The following RFTN1 variants were observed in gnomAD, a reference collection of about 807,000 sequenced individuals.
RFTN1 encodes raftlin.
In RFTN1, 26 loss-of-function variants were observed where a neutral mutation model predicts 46.5. The ratio of observed to expected loss-of-function variants is 0.56; its 90% CI spans 0.41 to 0.78. RFTN1 has a LOEUF of 0.78. RFTN1 is among the 30% of genes least tolerant of loss of function. RFTN1 has a pLI of 0.00. For missense variants in RFTN1, 693 were observed against 718.7 expected (o/e 0.96, Z 0.41); for synonymous variants, 261 against 284.2 (o/e 0.92, Z 0.82).
chr3:16,485,634 G>C (rs943815430), intron 2 of RFTN1, among the ~76,000 whole-genome samples: 2 of 152,262 alleles, frequency 1.3e-5, no homozygotes, highest in African/African-American at 4.8e-5. Context: ...GGCTGGGTCA[G>C]GGCAGGCACC....
intron 6 of RFTN1, among the ~76,000 whole-genome samples, chr3:16,360,891 C>T (rs1347377026): frequency 6.6e-6 from 1 of 152,180 alleles, no homozygotes; most frequent in African/African-American, 2.4e-5. Context: ...AAAACTGCCA[C>T]ATGAGCTCAA....
intron 6 of RFTN1, among the ~76,000 whole-genome samples, chr3:16,363,418 C>A (rs560254498): frequency 6.6e-6 from 1 of 152,226 alleles, no homozygotes. Flanking sequence ...TATTTTCCCT[C>A]GTACTGTATA....
At position 16,504,129 on chromosome 3, in the gene RFTN1, A is replaced by C. The variant is rs527980583; in HGVS notation, c.-9+9313T>G. Among the ~76,000 whole-genome samples, 2 of 66,726 alleles carry C rather than the reference A, an allele frequency of 3.0e-5. No individual in the cohort carries two copies. The highest frequency in any genetic ancestry group is 7.9e-4 in the East Asian group (2 of 2,524). 43.8% of individuals were successfully genotyped at this position (66,726 alleles called of 152,430 possible). On this transcript the variant is annotated intron_variant, in intron 1 of 9. Coordinates refer to ENST00000334133, the MANE Select transcript of RFTN1 (RefSeq NM_015150.2). This position sits in a 1 kb window ranked among gnomAD's most constrained non-coding sequence, Gnocchi z 4.4. ...ATTTTTTAATGGCATGCCCTAGACT[A>C]AAAAAAAAATACCCAATAGTTCGTT... is the stretch of plus-strand genomic sequence containing the variant.
In RFTN1 at chr3:16,320,975, A is replaced by G. The variant is rs2068982336; in HGVS notation, c.1332+2401T>C. Among the ~76,000 whole-genome samples the G allele has an allele frequency of 6.6e-6, 1 of 152,166 alleles. No individual in the cohort carries two copies. Among genetic ancestry groups the G allele is most frequent in the African/African-American group, 2.4e-5 (1 of 41,426 alleles). Reference sequence around the variant, plus strand: ...TTTGAAGGGGATATCTATTATTAGGAGATTAGAATAGCTGAGGCGAGTGAT... The same window carrying G: ...TTTGAAGGGGATATCTATTATTAGGGGATTAGAATAGCTGAGGCGAGTGAT... On this transcript the variant is annotated intron_variant, in intron 9 of 9. Transcript: ENST00000334133. This position sits in a 1 kb window ranked among gnomAD's most constrained non-coding sequence, Gnocchi z 4.5.
intron 7 of RFTN1, chr3:16,349,238 A>G (rs1474512949): frequency 6.6e-6 from 1 of 152,280 alleles, no homozygotes. Flanking sequence ...GGCTCAGAGG[A>G]AAGTTCAATA....
In RFTN1 at chr3:16,496,330, A is replaced by G. The variant is rs1393337606; in HGVS notation, c.-8-2453T>C. ...TGTGTTGGCTCCTGCACACTAATGCATTCATGCAACAAAGGACTCACATCC... is the reference window on the plus strand; with the variant it reads ...TGTGTTGGCTCCTGCACACTAATGCGTTCATGCAACAAAGGACTCACATCC... On this transcript the variant is annotated intron_variant, in intron 1 of 9. Coordinates refer to ENST00000334133, the MANE Select transcript of RFTN1 (RefSeq NM_015150.2). Among the ~76,000 whole-genome samples the G allele has an allele frequency of 3.3e-5, 5 of 152,262 alleles. No individual in the cohort carries two copies. The East Asian group carries it at 9.6e-4, about 29-fold the overall frequency.
chr3:16,323,285 G>A (rs2069289469), intron 9 of RFTN1, 91 bp downstream of exon 9: 4 of 927,192 alleles, frequency 4.3e-6, no homozygotes, highest in Non-Finnish European at 6.7e-6. Context: ...CTTGGAAGCT[G>A]GAGCAGGCTG....
chr3:16,340,382 C>T (rs1436751281), intron 7 of RFTN1, among the ~76,000 whole-genome samples: 1 of 152,218 alleles, frequency 6.6e-6, no homozygotes, highest in Non-Finnish European at 1.5e-5. Context: ...ATACACAAGG[C>T]TCTGTTCTAG....
At chr3:16,464,980 T>G (rs542194905) in intron 2 of RFTN1, among the ~76,000 whole-genome samples, 10 of 152,350 alleles carry the variant, frequency 6.6e-5, no homozygotes, top group Admixed American at 3.3e-4. Flanking sequence ...CCCACTCTTC[T>G]AATTTGCTTC....
Position 16,413,828 on chromosome 3 carries a change from G to A in RFTN1, c.333-4345C>T, listed in dbSNP as rs928778946. Among the ~76,000 whole-genome samples the A allele has an allele frequency of 8.5e-5, 13 of 152,170 alleles. No individual in the cohort carries two copies. The South Asian group carries it at 1.0e-3, about 12-fold the overall frequency. On this transcript the variant is annotated intron_variant, in intron 3 of 9. Transcript: ENST00000334133. The surrounding 1 kb of genome is among the most constrained non-coding windows in gnomAD (Gnocchi z 4.7). Reference sequence around the variant, plus strand: ...ATAGATTTATTAGTTAGAGGCTACCGGTGTTAGAGCTAACTAGAGGCAGGT... The same window carrying A: ...ATAGATTTATTAGTTAGAGGCTACCAGTGTTAGAGCTAACTAGAGGCAGGT...
chr3:16,359,048 A>AAAAAG (rs1238066867), intron 6 of RFTN1, among the ~76,000 whole-genome samples: 1 of 148,426 alleles, frequency 6.7e-6, no homozygotes, highest in African/African-American at 2.5e-5. Flanking sequence ...AAAAAAAAAA[A>AAAAAG]AAAAGAAATA....
At chr3:16,386,559 G>A (rs181254965) in intron 4 of RFTN1, among the ~76,000 whole-genome samples, 22 of 152,318 alleles carry the variant, frequency 1.4e-4, no homozygotes, top group Admixed American at 2.6e-4. Flanking sequence ...GCTGCTCAGC[G>A]CTGTATTTGC....
chr3:16,481,526 G>A lies in RFTN1; in HGVS notation c.145+12199C>T, dbSNP rs2076367497. Among the ~76,000 whole-genome samples the A allele has an allele frequency of 6.6e-6, 1 of 152,074 alleles. No individual in the cohort carries two copies. Among genetic ancestry groups the A allele is most frequent in the Non-Finnish European group, 1.5e-5 (1 of 68,010 alleles). On this transcript the variant is annotated intron_variant, in intron 2 of 9. Coordinates refer to ENST00000334133, the MANE Select transcript of RFTN1 (RefSeq NM_015150.2). This position sits in a 1 kb window ranked among gnomAD's most constrained non-coding sequence, Gnocchi z 5.1. ...TCTCAAAAACAAAAACCAACTCTTA[G>A]CAATTATAGAAACCGGAAACAAAAA... is the stretch of plus-strand genomic sequence containing the variant.
intron 5 of RFTN1, among the ~76,000 whole-genome samples, chr3:16,371,704 C>T (rs2073511257): frequency 6.6e-6 from 1 of 152,162 alleles, no homozygotes; most frequent in Non-Finnish European, 1.5e-5. Flanking sequence ...GGAAGGTGCC[C>T]GTCTTTGGAA....
At chr3:16,487,732 G>C (rs1351766043) in intron 2 of RFTN1, among the ~76,000 whole-genome samples, 1 of 152,178 alleles carries the variant, frequency 6.6e-6, no homozygotes, top group Admixed American at 6.5e-5. Context: ...GATTTTCACA[G>C]AGCTGACATA....
At chr3:16,325,172 C>T (rs1375301657) in intron 8 of RFTN1, among the ~76,000 whole-genome samples, 3 of 152,206 alleles carry the variant, frequency 2.0e-5, no homozygotes, top group African/African-American at 7.2e-5. Context: ...GGTGAATTCA[C>T]ACATAATGGC....
rs548292506 is a variant in RFTN1, at chr3:16,449,466, T to G, written c.146-15429A>C. Among the ~76,000 whole-genome samples the G allele has an allele frequency of 6.6e-6, 1 of 152,186 alleles. No individual in the cohort carries two copies. The highest frequency in any genetic ancestry group is 2.4e-5 in the African/African-American group (1 of 41,454). ...TAACACCTTTCTCATCAGGCTGCTATGAAGATTGAGATAATGCACATAAAG... is the reference window on the plus strand; with the variant it reads ...TAACACCTTTCTCATCAGGCTGCTAGGAAGATTGAGATAATGCACATAAAG... On this transcript the variant is annotated intron_variant, in intron 2 of 9. Coordinates refer to ENST00000334133, the MANE Select transcript of RFTN1 (RefSeq NM_015150.2). The surrounding 1 kb of genome is among the most constrained non-coding windows in gnomAD (Gnocchi z 5.1).
At chr3:16,444,942 A>G (rs1337799271) in intron 2 of RFTN1, among the ~76,000 whole-genome samples, 1 of 152,200 alleles carries the variant, frequency 6.6e-6, no homozygotes, top group Admixed American at 6.5e-5. Flanking sequence ...CATGTTTAGT[A>G]TTAGAAATGT....
At chr3:16,414,003 A>G (rs1170300276) in intron 3 of RFTN1, among the ~76,000 whole-genome samples, 1 of 152,254 alleles carries the variant, frequency 6.6e-6, no homozygotes, top group Non-Finnish European at 1.5e-5. Flanking sequence ...CTTAGCACAG[A>G]GGTACAACAT....
Sources: allele counts gnomAD v4.1 joint callset (sites outside exome capture counted in the v4.1 genomes callset), GRCh38; gene constraint gnomAD v4.1.1; non-coding constraint Gnocchi (gnomAD v3.1); transcripts MANE v1.5; gene names NCBI Gene and HGNC (gene_info 2026-07-23, HGNC 2026-07-21).